The following NAV2 variants were observed in gnomAD, a reference collection of about 807,000 sequenced individuals.
NAV2 encodes neuron navigator 2, also known as helicase, APC down-regulated 1.
In NAV2, 54 loss-of-function variants were observed where a neutral mutation model predicts 223.2. The ratio of observed to expected loss-of-function variants is 0.24; its 90% confidence interval spans 0.19 to 0.30. NAV2 has a LOEUF of 0.30. Ranked by LOEUF, NAV2 falls within the 10% of genes least tolerant of loss-of-function variation. NAV2 has a pLI of 1.00. For missense variants in NAV2, 2,806 were observed against 3,147.5 expected, an observed-to-expected ratio of 0.89 and a Z score of 2.60; for synonymous variants, 1,279 against 1,239.3, an observed-to-expected ratio of 1.03 and a Z score of -0.67.
intron 5 of NAV2, among the ~76,000 whole-genome samples, chr11:19,889,292 C>T (rs187217684): frequency 1.8e-4 from 28 of 152,184 alleles, no homozygotes; most frequent in Admixed American, 8.5e-4. Context: ...AAATGTCAGA[C>T]GGAGGAGGCT....
chr11:19,439,564 A>C (rs1040771995), intron 1 of NAV2, among the ~76,000 whole-genome samples: 13 of 152,248 alleles, frequency 8.5e-5, no homozygotes, highest in African/African-American at 3.1e-4. Context: ...TATTGACCTC[A>C]CAGAGAGGTT....
intron 1 of NAV2, among the ~76,000 whole-genome samples, chr11:19,813,559 T>G (rs2058945724): frequency 6.6e-6 from 1 of 151,766 alleles, no homozygotes; most frequent in Non-Finnish European, 1.5e-5. Flanking sequence ...CAGTTTGGAG[T>G]CAGGGCTGGG....
chr11:20,062,428 A>G (rs2058763405), intron 20 of NAV2, 69 bp downstream of exon 20: 3 of 1,166,114 alleles, frequency 2.6e-6, no homozygotes, highest in Non-Finnish European at 3.8e-6. Context: ...ATGTGTCAAG[A>G]ATAAAATATA....
intron 12 of NAV2, among the ~76,000 whole-genome samples, chr11:20,038,982 A>G (rs538179124): frequency 2.6e-5 from 4 of 152,346 alleles, no homozygotes; most frequent in Middle Eastern, 6.8e-3. Context: ...CACTGGGGAC[A>G]TTGAGGAGCA....
intron 1 of NAV2, among the ~76,000 whole-genome samples, chr11:19,475,952 G>A (rs930107395): frequency 9.2e-5 from 14 of 152,292 alleles, no homozygotes; most frequent in African/African-American, 3.4e-4. Context: ...GCCTGAAGTC[G>A]AGTGTCAGTT....
chr11:19,448,877 G>A (rs1179850615), intron 1 of NAV2, among the ~76,000 whole-genome samples: 1 of 152,214 alleles, frequency 6.6e-6, no homozygotes, highest in Non-Finnish European at 1.5e-5. Context: ...GAGGGAGAGA[G>A]GAGAGCCAGA....
rs1242190221 is a variant in NAV2 at position 19,404,910 on chromosome 11, G to A, written c.75+53883G>A. Among the ~76,000 whole-genome samples, 4 of 152,000 alleles carry A rather than the reference G, an allele frequency of 2.6e-5. No homozygotes were observed. In the East Asian group the frequency reaches 7.7e-4, roughly 29 times the overall value. On this transcript the variant is annotated intron_variant, in intron 1 of 37. Transcript: ENST00000360655. ...TTAATCTGGAAGGCCTGTCTGTCTG[G>A]TCTTCAAAGCCCCACTGCCAAGTGG...
intron 10 of NAV2, among the ~76,000 whole-genome samples, chr11:19,955,389 G>GAT (rs2047762777): frequency 3.5e-5 from 1 of 28,318 alleles, no homozygotes; most frequent in Admixed American, 3.8e-4. Flanking sequence ...GACCTTGTCT[G>GAT]AGAAAAAAAA....
intron 7 of NAV2, among the ~76,000 whole-genome samples, chr11:19,935,298 T>C (rs2045747696): frequency 6.6e-6 from 1 of 152,214 alleles, no homozygotes. Flanking sequence ...GACACGTATT[T>C]TACAGTTGTA....
At chr11:19,703,463 G>A (rs989942041) in intron 1 of NAV2, among the ~76,000 whole-genome samples, 3 of 152,200 alleles carry the variant, frequency 2.0e-5, no homozygotes, top group East Asian at 1.9e-4. Flanking sequence ...GGGGAGCATC[G>A]CAGCTCAGTG....
intron 1 of NAV2, among the ~76,000 whole-genome samples, chr11:19,540,221 G>A (rs1327600454): frequency 6.6e-6 from 1 of 152,080 alleles, no homozygotes; most frequent in Non-Finnish European, 1.5e-5. Flanking sequence ...TCCCTGAGCT[G>A]CTCCTAATGT....
intron 1 of NAV2, among the ~76,000 whole-genome samples, chr11:19,621,652 C>T (rs1476434603): frequency 6.6e-6 from 1 of 152,068 alleles, no homozygotes; most frequent in African/African-American, 2.4e-5. Flanking sequence ...CTCATTCCTT[C>T]TTTATTAGTC....
chr11:19,843,435 T>G (rs2060611787), intron 3 of NAV2, among the ~76,000 whole-genome samples: 1 of 152,234 alleles, frequency 6.6e-6, no homozygotes, highest in African/African-American at 2.4e-5. Context: ...CCTTTGCAAG[T>G]GATATTCTCT....
At chr11:19,719,298 G>A (rs1191949775) in intron 1 of NAV2, among the ~76,000 whole-genome samples, 2 of 152,178 alleles carry the variant, frequency 1.3e-5, no homozygotes, top group African/African-American at 4.8e-5. Context: ...CAAGAAGCTG[G>A]ATAAAATGGA....
chr11:19,829,432 A>G (rs574867430), intron 1 of NAV2, among the ~76,000 whole-genome samples: 20 of 152,206 alleles, frequency 1.3e-4, no homozygotes, highest in Non-Finnish European at 2.8e-4. Context: ...AGTCATTTGT[A>G]TCCTGGAGAT....
intron 1 of NAV2, among the ~76,000 whole-genome samples, chr11:19,636,986 C>A (rs753730485): frequency 2.6e-5 from 4 of 152,216 alleles, no homozygotes; most frequent in Non-Finnish European, 4.4e-5. Context: ...GTGATTCCAG[C>A]GTAGCTCAGC....
intron 1 of NAV2, among the ~76,000 whole-genome samples, chr11:19,633,178 A>T (rs993970155): frequency 1.1e-4 from 16 of 150,792 alleles, no homozygotes; most frequent in African/African-American, 3.4e-4. Flanking sequence ...TCTCCCAACT[A>T]ACCTCTCCTC....
chr11:19,585,875 G>A (rs562747305), intron 1 of NAV2, among the ~76,000 whole-genome samples: 5 of 152,098 alleles, frequency 3.3e-5, no homozygotes, highest in Non-Finnish European at 5.9e-5. Flanking sequence ...TGTTCTTCTC[G>A]AGGAGTATGT....
At chr11:19,576,589 A>T (rs778041250) in intron 1 of NAV2, among the ~76,000 whole-genome samples, 20 of 152,238 alleles carry the variant, frequency 1.3e-4, no homozygotes, top group Non-Finnish European at 2.5e-4. Context: ...AATTTATGCA[A>T]ATACATGAAT....
Sources: gnomAD v4.1 joint callset for allele counts (sites outside exome capture counted in the v4.1 genomes callset) on GRCh38, gnomAD v4.1.1 for gene constraint, MANE v1.5 for transcripts, NCBI Gene and HGNC (gene_info 2026-07-23, HGNC 2026-07-21) for gene names.